OSBPL11: variants seen among roughly 807,000 people sequenced by gnomAD.
OSBPL11 encodes oxysterol-binding protein-related protein 11.
A neutral mutation model predicts 84.4 loss-of-function variants in OSBPL11; 33 were observed. The ratio of observed to expected loss-of-function variants is 0.39; its 90% CI spans 0.30 to 0.52. OSBPL11 has a LOEUF of 0.52. Among genes scored for constraint, OSBPL11 ranks in the 20% least tolerant of loss-of-function variants. The probability of loss-of-function intolerance (pLI) is 0.72; values close to 1 mark genes in which losing one functional copy is unlikely to be tolerated. For synonymous variants in OSBPL11, 276 were observed against 310.2 expected (o/e 0.89, Z 1.16); for missense variants, 736 against 901.1 (o/e 0.82, Z 2.35).
chr3:125,594,244 C>T (rs1484973580), intron 1 of OSBPL11, among the ~76,000 whole-genome samples: 2 of 152,186 alleles, frequency 1.3e-5, no homozygotes, highest in Admixed American at 1.3e-4. Context: ...GTTTTGAGCA[C>T]CAGTATTTGC....
intron 1 of OSBPL11, among the ~76,000 whole-genome samples, chr3:125,587,521 G>C (rs1936532684): frequency 6.6e-6 from 1 of 152,176 alleles, no homozygotes; most frequent in Non-Finnish European, 1.5e-5. Flanking sequence ...CAGGGTCTAA[G>C]AGAGATCTCT....
chr3:125,570,226 T>TA (rs543995044), intron 5 of OSBPL11, among the ~76,000 whole-genome samples: 59 of 143,990 alleles, frequency 4.1e-4, no homozygotes, highest in African/African-American at 1.4e-3. Flanking sequence ...AAAATAAAAT[T>TA]AAAAAAAATA....
intron 3 of OSBPL11, among the ~76,000 whole-genome samples, chr3:125,579,416 T>C (rs1936387186): frequency 6.6e-6 from 1 of 152,252 alleles, no homozygotes; most frequent in South Asian, 2.1e-4. Context: ...TGTGTATTCA[T>C]TAAATAAAAA....
At chr3:125,560,232 G>T in intron 8 of OSBPL11, 147 bp downstream of exon 8, 3 of 671,344 alleles carry the variant, frequency 4.5e-6, no homozygotes, top group Non-Finnish European at 4.2e-6. Context: ...TTGCACTCCA[G>T]CCTGGGCAAC....
At chr3:125,568,341 G>T (rs577465135) in intron 5 of OSBPL11, among the ~76,000 whole-genome samples, 14 of 151,344 alleles carry the variant, frequency 9.3e-5, no homozygotes, top group Non-Finnish European at 1.9e-4. Context: ...TGAGGCAGAA[G>T]AATGGCGTGA....
At chr3:125,580,355 A>G (rs1936403594) in intron 2 of OSBPL11, among the ~76,000 whole-genome samples, 1 of 151,928 alleles carries the variant, frequency 6.6e-6, no homozygotes, top group African/African-American at 2.4e-5. Flanking sequence ...TCTCTACTAA[A>G]AATACAAAAT....
chr3:125,530,606 T>A, intron 12 of OSBPL11, 26 bp from the exon 13 acceptor site: 1 of 1,574,840 alleles, frequency 6.3e-7, no homozygotes, highest in Non-Finnish European at 8.7e-7. Flanking sequence ...AGATAAAGAA[T>A]CATCCCTCTA....
intron 4 of OSBPL11, 63 bp downstream of exon 4, chr3:125,578,897 C>CAAA: frequency 9.2e-7 from 1 of 1,090,238 alleles, no homozygotes; most frequent in Non-Finnish European, 1.3e-6. Context: ...TTTTAAAAGG[C>CAAA]AAAAAATAAA....
chr3:125,586,660 G>A (rs1163324913), intron 1 of OSBPL11, among the ~76,000 whole-genome samples: 1 of 151,898 alleles, frequency 6.6e-6, no homozygotes, highest in Non-Finnish European at 1.5e-5. Context: ...GTACAGGTGC[G>A]TGTGTGCCAC....
At position 125,576,941 on chromosome 3, in the gene OSBPL11, C is replaced by T. The variant is rs112017191; in HGVS notation, c.490-576G>A. On this transcript the variant is annotated intron_variant, in intron 4 of 12. Coordinates refer to ENST00000296220, the MANE Select transcript of OSBPL11 (RefSeq NM_022776.5). Reference sequence around the variant, plus strand: ...TCAGGTGATCTGCCCACCTCAGCTTCCCGAAGTGCTGGGATTATAGGCATG... The same window carrying T: ...TCAGGTGATCTGCCCACCTCAGCTTTCCGAAGTGCTGGGATTATAGGCATG... 3.3e-3 allele frequency among the ~76,000 whole-genome samples: 507 copies of T among 152,318 alleles called. 1 individual carries two copies. The highest frequency in any genetic ancestry group is 4.7e-3 in the Admixed American group (72 of 15,292).
At chr3:125,563,967 C>G (rs983067228) in intron 6 of OSBPL11, 124 bp from the exon 7 acceptor site, 5 of 1,008,624 alleles carry the variant, frequency 5.0e-6, no homozygotes, top group Non-Finnish European at 7.1e-6. Context: ...TGTTAAGAGA[C>G]CCTGCAAGAC....
intron 8 of OSBPL11, among the ~76,000 whole-genome samples, chr3:125,559,960 T>TCA (rs942434142): frequency 3.3e-5 from 5 of 150,150 alleles, no homozygotes; most frequent in Admixed American, 3.3e-4. Context: ...AAAATAAAAA[T>TCA]CACAAAAAAT....
At chr3:125,581,598 A>G (rs1050634826) in intron 2 of OSBPL11, among the ~76,000 whole-genome samples, 1 of 150,272 alleles carries the variant, frequency 6.7e-6, no homozygotes, top group Non-Finnish European at 1.5e-5. Context: ...TGGGAGGCTG[A>G]GACAGAAGAA....
In OSBPL11 at chr3:125,563,706, A is replaced by G; in HGVS notation, c.1006T>C (p.Leu336=). 6.2e-7 allele frequency: 1 copy of G among 1,614,140 alleles called. No homozygotes were observed. Among genetic ancestry groups the G allele is most frequent in the Admixed American group, 1.7e-5 (1 of 60,020 alleles). Residue 336 remains leucine, a synonymous_variant, in exon 7 of 13, where the codon TTA becomes CTA. Coordinates refer to ENST00000296220, the MANE Select transcript of OSBPL11 (RefSeq NM_022776.5). ...EEQPVAESGL[L]AREPEEINAD... is the part of the protein sequence containing the mutation. The stretch of plus-strand genomic sequence containing the variant: ...TTTTTATATTACCTTACCCTCGCTA[A>G]TAGTCCAGATTCTGCAACAGGCTGC...
At chr3:125,590,843 T>C (rs546602584) in intron 1 of OSBPL11, among the ~76,000 whole-genome samples, 1 of 152,338 alleles carries the variant, frequency 6.6e-6, no homozygotes, top group East Asian at 1.9e-4. Flanking sequence ...TTAGAGAGTT[T>C]ATCTACTTTT....
chr3:125,552,746 C>A, intron 8 of OSBPL11, 67 bp from the exon 9 acceptor site: 1 of 1,493,268 alleles, frequency 6.7e-7, no homozygotes, highest in East Asian at 2.3e-5. Flanking sequence ...GACAACTATT[C>A]TCTCTCTGAA....
chr3:125,561,563 T>A (rs921952702), intron 7 of OSBPL11, among the ~76,000 whole-genome samples: 12 of 152,216 alleles, frequency 7.9e-5, no homozygotes, highest in Non-Finnish European at 1.6e-4. Context: ...CATGTCTACT[T>A]CCATATCCTT....
intron 11 of OSBPL11, among the ~76,000 whole-genome samples, chr3:125,532,648 G>A (rs1935577473): frequency 6.7e-6 from 1 of 149,846 alleles, no homozygotes; most frequent in African/African-American, 2.5e-5. Context: ...TTGAACAAAT[G>A]GTGCTGGGAC....
At chr3:125,588,399 G>A (rs1273464601) in intron 1 of OSBPL11, among the ~76,000 whole-genome samples, 2 of 152,284 alleles carry the variant, frequency 1.3e-5, no homozygotes, top group Non-Finnish European at 1.5e-5. Flanking sequence ...TCTCCAGCTT[G>A]TAGACAACTG....
Sources: gnomAD v4.1 joint callset for allele counts (sites outside exome capture counted in the v4.1 genomes callset) on GRCh38, gnomAD v4.1.1 for gene constraint, MANE v1.5 for transcripts, NCBI Gene and HGNC (gene_info 2026-07-23, HGNC 2026-07-21) for gene names.